RAB3GAP1: variants seen among roughly 807,000 people sequenced by gnomAD.
RAB3GAP1 encodes the protein RAB3 GTPase activating protein catalytic subunit 1, also known as rab3 GTPase-activating protein catalytic subunit.
A neutral mutation model predicts 130.7 loss-of-function variants in RAB3GAP1; 86 were observed. The observed-to-expected ratio is 0.66, with a 90% CI of 0.55 to 0.79. The LOEUF (loss-of-function observed/expected upper bound fraction) is 0.79. Ranked by LOEUF, RAB3GAP1 falls within the 30% of genes least tolerant of loss-of-function variation. The pLI is 0.00. For synonymous variants in RAB3GAP1, 367 were observed against 401.7 expected (o/e 0.91, Z 1.03); for missense variants, 1,029 against 1,169.4 (o/e 0.88, Z 1.75).
chr2:135,124,323 T>C, intron 9 of RAB3GAP1, 77 bp downstream of exon 9: 1 of 1,358,008 alleles, frequency 7.4e-7, no homozygotes, highest in Non-Finnish European at 1.1e-6. Flanking sequence ...TTCACTGTGC[T>C]TTATGATGCT....
chr2:135,070,935 G>A (rs535272997), intron 3 of RAB3GAP1, among the ~76,000 whole-genome samples: 10 of 152,224 alleles, frequency 6.6e-5, no homozygotes, highest in South Asian at 6.2e-4. Flanking sequence ...CCCCAAAAAG[G>A]TTAAATAAAA....
intron 3 of RAB3GAP1, among the ~76,000 whole-genome samples, chr2:135,073,393 T>C (rs902469489): frequency 1.3e-5 from 2 of 152,208 alleles, no homozygotes; most frequent in Non-Finnish European, 2.9e-5. Flanking sequence ...GATGCCAATG[T>C]CTGATTTGGA....
Position 135,132,194 on chromosome 2 carries a change from A to C in RAB3GAP1, c.1237-701A>C, listed in dbSNP as rs1034605807. On this transcript the variant is annotated intron_variant, in intron 13 of 23. Coordinates refer to ENST00000264158, the MANE Select transcript of RAB3GAP1 (RefSeq NM_012233.3). ...GATTACTAATCAGCAGTACCACAAA[A>C]CAATTGAGAGGAACAGTGATAAAAG... Among the ~76,000 whole-genome samples, 10 of 152,358 alleles carry C rather than the reference A, an allele frequency of 6.6e-5. No individual in the cohort carries two copies. The South Asian group carries it at 2.1e-3, about 32-fold the overall frequency.
intron 3 of RAB3GAP1, among the ~76,000 whole-genome samples, chr2:135,060,669 T>G (rs760033821): frequency 2.0e-5 from 3 of 151,804 alleles, no homozygotes; most frequent in Non-Finnish European, 2.9e-5. Context: ...TCTAGTTAAT[T>G]CCCATGCCCT....
chr2:135,052,382 C>T (rs1688904764), intron 1 of RAB3GAP1, 48 bp from the exon 2 acceptor site: 2 of 1,614,166 alleles, frequency 1.2e-6, no homozygotes. Context: ...TTCCTCATGT[C>T]TTCGCCTTGG....
rs752034908 is a variant in RAB3GAP1, at chr2:135,133,997, T to C, written c.1463T>C (p.Met488Thr). 6.2e-7 allele frequency: 1 copy of C among 1,613,956 alleles called. No homozygotes were observed. The highest frequency in any genetic ancestry group is 1.1e-5 in the South Asian group (1 of 91,082). The change falls in exon 15 of 24, where the codon ATG (methionine) becomes ACG (threonine). Residue 488 changes from methionine (M) to threonine (T), a missense_variant. Met to Thr is a moderately conservative substitution (Grantham distance 81). Around this residue, in one of 3 missense-constraint regions of RAB3GAP1, gnomAD observed 373 missense variants for 493.6 expected, o/e 0.76. Coordinates refer to ENST00000264158, the MANE Select transcript of RAB3GAP1 (RefSeq NM_012233.3). ...CTCTGGCAGGAATTTGTTCTTGAAA[T>C]GCGTTTCCGATGGGAAAACAACTTT... ...AHLWQEFVLE[M>T]RFRWENNFLI... is the part of the protein sequence containing the mutation.
intron 3 of RAB3GAP1, among the ~76,000 whole-genome samples, chr2:135,084,207 T>G (rs188644560): frequency 5.3e-5 from 8 of 152,286 alleles, no homozygotes; most frequent in East Asian, 1.9e-4. Context: ...ATCACTCCAT[T>G]GCACTCCAGC....
intron 19 of RAB3GAP1, among the ~76,000 whole-genome samples, chr2:135,159,571 G>GTTTT (rs1330722790): frequency 6.6e-6 from 1 of 152,192 alleles, no homozygotes; most frequent in Non-Finnish European, 1.5e-5. Flanking sequence ...CCTGAGAAAT[G>GTTTT]TCACAGCCAA....
Position 135,162,593 on chromosome 2 carries a change from T to G in RAB3GAP1, c.2328T>G (p.Leu776=), listed in dbSNP as rs754426382. The G allele has an allele frequency of 6.2e-7, 1 of 1,614,136 alleles. No homozygotes were observed. Among genetic ancestry groups the G allele is most frequent in the Non-Finnish European group, 8.5e-7 (1 of 1,180,002 alleles). ...HYLAIQKPAD[L]ARHLLPCVIH... ...TGGCAATCCAGAAACCTGCAGACCT[T>G]GCTCGGCACCTGTTACCTTGTGTGA... The change falls in exon 20 of 24, where the codon CTT becomes CTG. Residue 776 remains leucine (L), a synonymous_variant. Coordinates refer to ENST00000264158, the MANE Select transcript of RAB3GAP1 (RefSeq NM_012233.3).
intron 15 of RAB3GAP1, among the ~76,000 whole-genome samples, 159 bp from the exon 16 acceptor site, chr2:135,135,106 C>T (rs1223009936): frequency 2.6e-5 from 4 of 152,190 alleles, no homozygotes; most frequent in African/African-American, 9.6e-5. Flanking sequence ...TCTTTTAATT[C>T]TATGTGCTCC....
chr2:135,135,437 G>C, intron 16 of RAB3GAP1, 118 bp downstream of exon 16: 1 of 1,437,796 alleles, frequency 7.0e-7, no homozygotes. Context: ...GTTGCCTATA[G>C]TCAGTAGTCA....
chr2:135,066,200 GC>G (rs1355903136), intron 3 of RAB3GAP1, among the ~76,000 whole-genome samples: 1 of 152,186 alleles, frequency 6.6e-6, no homozygotes, highest in Non-Finnish European at 1.5e-5. Context: ...ACTCTTCCCA[GC>G]TTCTGCCTGC....
intron 3 of RAB3GAP1, among the ~76,000 whole-genome samples, chr2:135,077,416 G>A (rs544034918): frequency 1.3e-5 from 2 of 152,248 alleles, no homozygotes; most frequent in Admixed American, 6.5e-5. Flanking sequence ...TGTAGGCTGG[G>A]CATGGTGGCT....
intron 18 of RAB3GAP1, 54 bp from the exon 19 acceptor site, chr2:135,153,589 GGCTTAT>G (rs1692231929): frequency 9.3e-6 from 14 of 1,499,970 alleles, no homozygotes; most frequent in Non-Finnish European, 1.2e-5. Flanking sequence ...TTTGCAAACA[GGCTTAT>G]CAGTAACTGT....
chr2:135,168,914 A>G lies in RAB3GAP1; in HGVS notation c.*133A>G, dbSNP rs1573623665. The stretch of plus-strand genomic sequence containing the variant: ...TTGGGTGATCAGGAATCAAACCAGC[A>G]TCGGAAAGACTTCCCAGCACCAAGC... On this transcript the variant is annotated 3_prime_UTR_variant, in exon 24 of 24. Transcript: ENST00000264158. 2 of 814,068 alleles carry G rather than the reference A, an allele frequency of 2.5e-6. No individual in the cohort carries two copies. Among genetic ancestry groups the G allele is most frequent in the Non-Finnish European group, 2.1e-6 (1 of 471,538 alleles). 50.4% of individuals were successfully genotyped at this position (814,068 alleles called of 1,614,324 possible).
At chr2:135,060,190 T>C (rs10928531) in intron 3 of RAB3GAP1, among the ~76,000 whole-genome samples, 16,128 of 151,724 alleles carry the variant, frequency 0.11, 2,135 homozygotes, top group African/African-American at 0.31. Context: ...CTCCACTAGA[T>C]TTTTTTAATA....
At chr2:135,107,383 CAT>C (rs10552478) in intron 5 of RAB3GAP1, among the ~76,000 whole-genome samples, 16,351 of 151,774 alleles carry the variant, frequency 0.11, 2,167 homozygotes, top group African/African-American at 0.32. Context: ...GGGTTTATAA[CAT>C]ATGTAATATG....
At chr2:135,071,538 A>AAG (rs1208004372) in intron 3 of RAB3GAP1, among the ~76,000 whole-genome samples, 1 of 152,094 alleles carries the variant, frequency 6.6e-6, no homozygotes, top group Non-Finnish European at 1.5e-5. Flanking sequence ...AGGTTAAAAA[A>AAG]AAAAAAAAGA....
chr2:135,135,469 G>A (rs1691651518), intron 16 of RAB3GAP1, 95 bp from the exon 17 acceptor site: 4 of 1,465,044 alleles, frequency 2.7e-6, no homozygotes, highest in Non-Finnish European at 3.7e-6. Flanking sequence ...AAGGTCCTGA[G>A]AAGTGGAGAG....
Sources: allele counts gnomAD v4.1 joint callset (sites outside exome capture counted in the v4.1 genomes callset), GRCh38; gene constraint gnomAD v4.1.1; regional missense constraint gnomAD v4.1.1; transcripts MANE v1.5; gene names NCBI Gene and HGNC (gene_info 2026-07-23, HGNC 2026-07-21).